The following DYNC2H1 variants were observed in gnomAD, a reference collection of about 807,000 sequenced individuals.
The protein encoded by DYNC2H1 is dynein cytoplasmic 2 heavy chain 1.
In DYNC2H1, 410 loss-of-function variants were observed where a neutral mutation model predicts 570.0. The observed-to-expected ratio is 0.72, with a 90% CI of 0.66 to 0.78. The LOEUF is 0.78. DYNC2H1 is among the 30% of genes least tolerant of loss of function. DYNC2H1 has a pLI of 0.00. For synonymous variants in DYNC2H1, 1,688 were observed against 1,677.6 expected (o/e 1.01, Z -0.15); for missense variants, 4,865 against 5,046.4 (o/e 0.96, Z 1.09).
At chr11:103,409,847 A>G (rs1454486057) in intron 84 of DYNC2H1, among the ~76,000 whole-genome samples, 3 of 150,588 alleles carry the variant, frequency 2.0e-5, no homozygotes, top group Non-Finnish European at 4.4e-5. Flanking sequence ...TCTAGTTAAT[A>G]CATTATGCAG....
intron 82 of DYNC2H1, among the ~76,000 whole-genome samples, chr11:103,332,092 A>G (rs935021859): frequency 1.3e-5 from 2 of 152,138 alleles, no homozygotes; most frequent in Admixed American, 1.3e-4. Context: ...GTTCCGATGA[A>G]AAAGCATAAT....
At chr11:103,387,544 G>A (rs963196958) in intron 83 of DYNC2H1, among the ~76,000 whole-genome samples, 2 of 152,132 alleles carry the variant, frequency 1.3e-5, no homozygotes, top group East Asian at 1.9e-4. Context: ...TGTTGCCATT[G>A]CTTTTGGTGT....
At chr11:103,220,581 A>C in intron 56 of DYNC2H1, 42 bp from the exon 57 acceptor site, 2 of 1,534,134 alleles carry the variant, frequency 1.3e-6, no homozygotes, top group Non-Finnish European at 1.8e-6. Flanking sequence ...GATTTAAAGA[A>C]ATATATAATT....
chr11:103,359,574 T>G (rs1320907264), intron 83 of DYNC2H1, among the ~76,000 whole-genome samples: 4 of 152,142 alleles, frequency 2.6e-5, no homozygotes, highest in Non-Finnish European at 4.4e-5. Context: ...AAGGCTTACA[T>G]GTAGATTATT....
At chr11:103,131,842 C>G (rs1859291728) in intron 13 of DYNC2H1, among the ~76,000 whole-genome samples, 1 of 152,046 alleles carries the variant, frequency 6.6e-6, no homozygotes, top group African/African-American at 2.4e-5. Flanking sequence ...CTCTTTGGCT[C>G]CATTCAAGAT....
At chr11:103,343,584 G>C (rs1939588770) in intron 82 of DYNC2H1, among the ~76,000 whole-genome samples, 1 of 152,064 alleles carries the variant, frequency 6.6e-6, no homozygotes, top group Non-Finnish European at 1.5e-5. Flanking sequence ...CTAGGATGTG[G>C]GGAGCCTCAG....
chr11:103,294,743 G>A (rs994955746), intron 75 of DYNC2H1, among the ~76,000 whole-genome samples: 2 of 152,076 alleles, frequency 1.3e-5, no homozygotes, highest in South Asian at 2.1e-4. Flanking sequence ...CTGCTTGGCT[G>A]TCACTGATGT....
Position 103,116,555 on chromosome 11 carries a change from T to C in DYNC2H1, c.622-15T>C. ...AAATATAATTATGTTTAAAAATTAA[T>C]GCATTTTTTTCTAGGAGTTTTATAA... On this transcript the variant is annotated splice_polypyrimidine_tract_variant and intron_variant, in intron 4 of 88. Coordinates refer to ENST00000375735, the MANE Select transcript of DYNC2H1 (RefSeq NM_001377.3). 2 of 1,563,698 alleles carry C rather than the reference T, an allele frequency of 1.3e-6. No individual in the cohort carries two copies. Among genetic ancestry groups the C allele is most frequent in the Middle Eastern group, 1.7e-4 (1 of 5,862 alleles).
chr11:103,391,818 G>A (rs1942165028), intron 83 of DYNC2H1, among the ~76,000 whole-genome samples: 1 of 152,190 alleles, frequency 6.6e-6, no homozygotes, highest in Non-Finnish European at 1.5e-5. Flanking sequence ...AGCCAATATT[G>A]CTGAACAGCA....
intron 70 of DYNC2H1, among the ~76,000 whole-genome samples, chr11:103,278,181 T>G (rs1324264735): frequency 6.6e-6 from 1 of 152,178 alleles, no homozygotes; most frequent in African/African-American, 2.4e-5. Flanking sequence ...TTGCTAGAAC[T>G]GAGTCACCAA....
chr11:103,291,622 T>G (rs1196986611), intron 75 of DYNC2H1, among the ~76,000 whole-genome samples: 3 of 152,174 alleles, frequency 2.0e-5, no homozygotes, highest in Non-Finnish European at 4.4e-5. Flanking sequence ...TGATTTTCTA[T>G]CTGGATGATC....
chr11:103,316,774 A>G (rs1253141834), intron 80 of DYNC2H1, among the ~76,000 whole-genome samples, 154 bp downstream of exon 80: 2 of 152,050 alleles, frequency 1.3e-5, no homozygotes, highest in Non-Finnish European at 2.9e-5. Flanking sequence ...TACCTGTGTT[A>G]TCTCAGAGTT....
intron 82 of DYNC2H1, among the ~76,000 whole-genome samples, chr11:103,344,484 T>C (rs1279306006): frequency 6.6e-6 from 1 of 152,228 alleles, no homozygotes; most frequent in Non-Finnish European, 1.5e-5. Flanking sequence ...CCACACCTGC[T>C]ACACTTCCCT....
chr11:103,243,906 C>A lies in DYNC2H1; in HGVS notation c.9918+115C>A, dbSNP rs547877117. On this transcript the variant is annotated intron_variant, in intron 64 of 88. Transcript: ENST00000375735. This position sits in a 1 kb window ranked among gnomAD's most constrained non-coding sequence, Gnocchi z 4.8. ...AACACTGGGTCCTACTGTATGGGAC[C>A]TTGGGCGAGAGATATAACTCTTAGC... The A allele has an allele frequency of 1.4e-4, 87 of 642,134 alleles. No homozygotes were observed. In the South Asian group the frequency reaches 2.8e-3, roughly 21 times the overall value. The allele number at this position is 642,134 out of a possible 1,614,324, so 39.8% of individuals were successfully genotyped here. A position where few individuals can be genotyped will look rare whatever the true frequency, so the allele number is the denominator to read the frequency against.
chr11:103,459,957 T>TAA (rs1944951724), intron 87 of DYNC2H1, among the ~76,000 whole-genome samples: 1 of 77,910 alleles, frequency 1.3e-5, no homozygotes, highest in Admixed American at 1.5e-4. Context: ...AGACTCCGTC[T>TAA]CAAAAAAAAA....
In DYNC2H1 at chr11:103,268,554, C is replaced by T. The variant is rs1470029063; in HGVS notation, c.10695+8577C>T. On this transcript the variant is annotated intron_variant, in intron 70 of 88. Coordinates refer to ENST00000375735, the MANE Select transcript of DYNC2H1 (RefSeq NM_001377.3). The surrounding 1 kb of genome is among the most constrained non-coding windows in gnomAD (Gnocchi z 4.6). ...TTTTCTAGGCAATATATTAAGCCTA[C>T]GAAGTTTCGTTATTGGTCAGTCTTG... Among the ~76,000 whole-genome samples the T allele has an allele frequency of 6.6e-6, 1 of 151,748 alleles. No individual in the cohort carries two copies. Among genetic ancestry groups the T allele is most frequent in the Non-Finnish European group, 1.5e-5 (1 of 67,846 alleles).
intron 70 of DYNC2H1, among the ~76,000 whole-genome samples, chr11:103,273,013 A>G (rs1014614202): frequency 6.6e-6 from 1 of 152,016 alleles, no homozygotes; most frequent in Non-Finnish European, 1.5e-5. Flanking sequence ...TAAAGCAAAA[A>G]TAGATGAAGG....
At chr11:103,455,773 G>A (rs1944766302) in intron 86 of DYNC2H1, among the ~76,000 whole-genome samples, 1 of 152,046 alleles carries the variant, frequency 6.6e-6, no homozygotes, top group Non-Finnish European at 1.5e-5. Context: ...TGGAGAACAG[G>A]ACTTGATGAT....
chr11:103,212,731 C>T (rs931473031), intron 54 of DYNC2H1, among the ~76,000 whole-genome samples: 20 of 151,988 alleles, frequency 1.3e-4, no homozygotes, highest in African/African-American at 4.8e-4. Flanking sequence ...AAAGTAGGCT[C>T]CATCTTAATT....
Sources: allele counts gnomAD v4.1 joint callset (sites outside exome capture counted in the v4.1 genomes callset), GRCh38; gene constraint gnomAD v4.1.1; non-coding constraint Gnocchi (gnomAD v3.1); transcripts MANE v1.5; gene names NCBI Gene and HGNC (gene_info 2026-07-23, HGNC 2026-07-21).